Variants in NXPE2 observed in about 807,000 individuals in gnomAD.
The protein encoded by NXPE2 is NXPE family member 2.
A neutral mutation model predicts 34.4 loss-of-function variants in NXPE2; 34 were observed. The observed-to-expected ratio is 0.99, with a 90% CI of 0.75 to 1.31. NXPE2 has a LOEUF of 1.31. Ranked by LOEUF, NXPE2 falls within the 40% of genes most tolerant of loss-of-function variation. The pLI is 0.00. For synonymous variants in NXPE2, 235 were observed against 231.3 expected (o/e 1.02, Z -0.15); for missense variants, 649 against 672.5 (o/e 0.97, Z 0.39).
chr11:114,513,260 T>C, the NXPE2 span: 1 of 496,682 alleles, frequency 2.0e-6, no homozygotes, highest in Non-Finnish European at 4.0e-6. Flanking sequence ...GGCTGTGCTG[T>C]GTGCAGCACT....
the NXPE2 span, chr11:114,582,172 A>G: frequency 8.3e-6 from 9 of 1,082,254 alleles, no homozygotes; most frequent in Middle Eastern, 9.5e-4. Flanking sequence ...CCTTTCCCCA[A>G]AGGCTCTTAC....
the NXPE2 span, among the ~76,000 whole-genome samples, chr11:114,619,006 A>G: frequency 3.3e-5 from 5 of 152,136 alleles, no homozygotes; most frequent in Middle Eastern, 3.4e-3. Context: ...CTTCTAGGGT[A>G]ACCACTGTTA....
chr11:114,611,379 C>T, the NXPE2 span, among the ~76,000 whole-genome samples: 2 of 151,948 alleles, frequency 1.3e-5, no homozygotes, highest in Middle Eastern at 3.4e-3. Context: ...ATAAGTGTTG[C>T]CTCGTGGGTA....
chr11:114,674,320 TG>T (rs374143822), upstream of NXPE2, among the ~76,000 whole-genome samples: 17 of 151,404 alleles, frequency 1.1e-4, no homozygotes, highest in African/African-American at 3.4e-4. Flanking sequence ...ATGGGAAAAA[TG>T]TGCTTCAGTA....
At chr11:114,480,116 G>A in the NXPE2 span, among the ~76,000 whole-genome samples, 2 of 152,040 alleles carry the variant, frequency 1.3e-5, no homozygotes, top group African/African-American at 2.4e-5. Context: ...TCCAACACTG[G>A]GGATCACATT....
At chr11:114,550,820 G>A in the NXPE2 span, among the ~76,000 whole-genome samples, 4 of 152,278 alleles carry the variant, frequency 2.6e-5, no homozygotes, top group East Asian at 7.7e-4. Context: ...GTTTAAATAA[G>A]TTATTTACTG....
chr11:114,738,826 GT>G, the NXPE2 span, among the ~76,000 whole-genome samples: 5 of 150,416 alleles, frequency 3.3e-5, no homozygotes, highest in Admixed American at 6.6e-5. Context: ...CCTTCAGGAT[GT>G]TTTTTTTTCA....
At chr11:114,595,382 G>A in the NXPE2 span, among the ~76,000 whole-genome samples, 4 of 152,036 alleles carry the variant, frequency 2.6e-5, no homozygotes, top group Non-Finnish European at 4.4e-5. Context: ...GGAATTCCAA[G>A]TTCTCTTTTA....
the NXPE2 span, among the ~76,000 whole-genome samples, chr11:114,465,213 A>C: frequency 1.3e-5 from 2 of 152,206 alleles, no homozygotes; most frequent in Non-Finnish European, 2.9e-5. Flanking sequence ...ACATATGCAC[A>C]AGAAGACAAG....
At chr11:114,530,465 C>T in the NXPE2 span, 1 of 1,614,090 alleles carries the variant, frequency 6.2e-7, no homozygotes, top group Admixed American at 1.7e-5. Flanking sequence ...GGTGGATGAG[C>T]AGCAGAGACA....
At chr11:114,542,621 A>G in the NXPE2 span, among the ~76,000 whole-genome samples, 3 of 152,164 alleles carry the variant, frequency 2.0e-5, no homozygotes, top group African/African-American at 7.2e-5. Context: ...CCTTATAGTT[A>G]TTAACTGAAG....
chr11:114,610,085 A>G, the NXPE2 span, among the ~76,000 whole-genome samples: 2 of 150,762 alleles, frequency 1.3e-5, no homozygotes, highest in African/African-American at 4.9e-5. Context: ...ACCACTGTTA[A>G]CTGGTGAATA....
chr11:114,504,522 A>C, the NXPE2 span, among the ~76,000 whole-genome samples: 1 of 152,132 alleles, frequency 6.6e-6, no homozygotes, highest in Non-Finnish European at 1.5e-5. Flanking sequence ...TGTTGCTGCC[A>C]CACCCTGGCA....
At position 114,706,369 on chromosome 11, in the gene NXPE2, AT is replaced by A. The variant is rs1288778421; in HGVS notation, c.1145-25del. The A allele has an allele frequency of 2.7e-6, 4 of 1,484,938 alleles. No individual in the cohort carries two copies. In the African/African-American group the frequency reaches 5.7e-5, roughly 21 times the overall value. The allele number at this position is 1,484,938 out of a possible 1,614,324, so 92.0% of individuals were successfully genotyped here. On this transcript the variant is annotated intron_variant, in intron 5 of 5. Coordinates refer to ENST00000389586, the MANE Select transcript of NXPE2 (RefSeq NM_182495.6). ...GTTATATCATTTTCCTTTTGTTAAA[AT>A]ATTTATTGATTTGTCTTTCATCAGC...
the NXPE2 span, among the ~76,000 whole-genome samples, chr11:114,479,634 A>T: frequency 6.6e-6 from 1 of 152,136 alleles, no homozygotes; most frequent in African/African-American, 2.4e-5. Flanking sequence ...CGAGTCAGCC[A>T]TGCAGAGATG....
chr11:114,510,532 TC>T, the NXPE2 span, among the ~76,000 whole-genome samples: 3 of 152,322 alleles, frequency 2.0e-5, no homozygotes, highest in Admixed American at 2.0e-4. Flanking sequence ...TTCTTCCCTT[TC>T]TTAGAAAGTT....
chr11:114,649,948 T>C, the NXPE2 span, among the ~76,000 whole-genome samples: 1 of 152,200 alleles, frequency 6.6e-6, no homozygotes, highest in Admixed American at 6.5e-5. Context: ...ACATTTGAAA[T>C]GGATGAATTA....
chr11:114,513,274 G>A, the NXPE2 span: 1 of 475,904 alleles, frequency 2.1e-6, no homozygotes, highest in Non-Finnish European at 4.2e-6. Flanking sequence ...CAGCACTGGT[G>A]GTTGTGTTCA....
the NXPE2 span, among the ~76,000 whole-genome samples, chr11:114,565,509 G>A: frequency 6.6e-6 from 1 of 152,186 alleles, no homozygotes; most frequent in African/African-American, 2.4e-5. Context: ...AGTTTACTGT[G>A]AGTAGAACAG....
Sources: allele counts gnomAD v4.1 joint callset (sites outside exome capture counted in the v4.1 genomes callset), GRCh38; gene constraint gnomAD v4.1.1; transcripts MANE v1.5; gene names NCBI Gene and HGNC (gene_info 2026-07-23, HGNC 2026-07-21).